Variants in CPAMD8 observed in about 807,000 individuals in gnomAD.
CPAMD8 encodes the protein C3 and PZP like alpha-2-macroglobulin domain containing 8, also known as C3 and PZP-like alpha-2-macroglobulin domain-containing protein 8.
A neutral mutation model predicts 224.7 loss-of-function variants in CPAMD8; 146 were observed. The observed-to-expected ratio is 0.65, with a 90% confidence interval of 0.57 to 0.75. The LOEUF is 0.75. Ranked by LOEUF, CPAMD8 falls within the 30% of genes least tolerant of loss-of-function variation. CPAMD8 has a pLI of 0.00. For synonymous variants in CPAMD8, 966 were observed against 1,044.6 expected (o/e 0.92, Z 1.45); for missense variants, 2,301 against 2,537.5 (o/e 0.91, Z 2.00).
intron 20 of CPAMD8, among the ~76,000 whole-genome samples, chr19:16,950,858 G>A (rs1255769559): frequency 2.0e-5 from 3 of 150,708 alleles, no homozygotes; most frequent in African/African-American, 7.3e-5. Flanking sequence ...TTCTCCCTCA[G>A]GGCCTCCAAA....
intron 7 of CPAMD8, among the ~76,000 whole-genome samples, chr19:17,007,312 T>G (rs1599897625): frequency 6.8e-6 from 1 of 147,678 alleles, no homozygotes; most frequent in Non-Finnish European, 1.5e-5. Context: ...CCAGTCTGGG[T>G]GACAATAGCA....
intron 22 of CPAMD8, among the ~76,000 whole-genome samples, chr19:16,942,180 GGT>G (rs1324168637): frequency 6.6e-6 from 1 of 152,102 alleles, no homozygotes; most frequent in Non-Finnish European, 1.5e-5. Context: ...ATCCAGTCAT[GGT>G]CGGGCACAGT....
At chr19:16,947,642 A>G (rs1270942619) in intron 20 of CPAMD8, among the ~76,000 whole-genome samples, 2 of 152,202 alleles carry the variant, frequency 1.3e-5, no homozygotes, top group Non-Finnish European at 2.9e-5. Flanking sequence ...GTGCAGCTCC[A>G]TGATGTCAGA....
intron 18 of CPAMD8, among the ~76,000 whole-genome samples, chr19:16,964,935 C>G (rs2054777938): frequency 6.6e-6 from 1 of 152,066 alleles, no homozygotes; most frequent in Admixed American, 6.6e-5. Flanking sequence ...GAACCATTGA[C>G]AAAAACCACA....
chr19:16,909,375 T>G (rs2144795345), intron 29 of CPAMD8, among the ~76,000 whole-genome samples: 1 of 152,072 alleles, frequency 6.6e-6, no homozygotes, highest in East Asian at 1.9e-4. Context: ...AAACCCCATC[T>G]CTACTAAAAA....
chr19:16,942,169 T>C (rs914119183), intron 22 of CPAMD8, among the ~76,000 whole-genome samples: 10 of 151,656 alleles, frequency 6.6e-5, no homozygotes, highest in African/African-American at 2.4e-4. Flanking sequence ...CTTTACTAAT[T>C]ATCCAGTCAT....
chr19:16,940,297 C>T (rs2053844200), intron 22 of CPAMD8, among the ~76,000 whole-genome samples: 1 of 152,154 alleles, frequency 6.6e-6, no homozygotes, highest in Admixed American at 6.5e-5. Flanking sequence ...ATAAACCTAT[C>T]CTACAGATGT....
chr19:17,007,742 G>A (rs1229486549), intron 7 of CPAMD8, among the ~76,000 whole-genome samples: 1 of 152,040 alleles, frequency 6.6e-6, no homozygotes, highest in East Asian at 1.9e-4. Context: ...AGCAAAGTGG[G>A]GTATGTCAAT....
chr19:16,970,955 C>T lies in CPAMD8; in HGVS notation c.2149G>A (p.Val717Ile). ...CCTGTGTGGGGCTGGAAAGCGGGGA[C>T]AGCCTCATCGGTGTAGAGGCCACCG... ...QDGGLYTDEA[V>I]PAFQPHTGSL... The change falls in exon 18 of 42, where the codon GTC becomes ATC. Residue 717 changes from valine (V) to isoleucine (I), a missense_variant. Around this residue, in one of 4 missense-constraint regions of CPAMD8, gnomAD observed 1,709 missense variants for 1,753.2 expected, o/e 0.97. Coordinates refer to ENST00000443236, the MANE Select transcript of CPAMD8 (RefSeq NM_015692.5). 1 of 1,613,926 alleles carries T rather than the reference C, an allele frequency of 6.2e-7. No homozygotes were observed. The highest frequency in any genetic ancestry group is 1.7e-5 in the Admixed American group (1 of 60,010).
At chr19:16,996,291 T>C (rs1357575011) in intron 11 of CPAMD8, among the ~76,000 whole-genome samples, 1 of 152,054 alleles carries the variant, frequency 6.6e-6, no homozygotes, top group East Asian at 1.9e-4. Flanking sequence ...TGAGCTATGA[T>C]CTCACCACTG....
At chr19:16,901,418 G>C in intron 35 of CPAMD8, 121 bp from the exon 36 acceptor site, 1 of 709,848 alleles carries the variant, frequency 1.4e-6, no homozygotes. Context: ...CTGGGGCCTG[G>C]CCGGCAGGCC....
intron 39 of CPAMD8, among the ~76,000 whole-genome samples, chr19:16,897,168 GC>G (rs1328039699): frequency 3.2e-3 from 92 of 28,624 alleles, no homozygotes; most frequent in African/African-American, 0.012. Flanking sequence ...CCTCGACCCC[GC>G]CCCCCGCACT....
intron 23 of CPAMD8, 83 bp downstream of exon 23, chr19:16,938,312 C>T (rs1198506511): frequency 4.4e-6 from 3 of 686,546 alleles, no homozygotes; most frequent in Non-Finnish European, 4.8e-6. Context: ...GGGACAGCCC[C>T]CACAGTGTGG....
chr19:16,938,266 C>A (rs2053764246), intron 23 of CPAMD8, 129 bp downstream of exon 23: 1 of 549,178 alleles, frequency 1.8e-6, no homozygotes. Context: ...CACAGTGCCC[C>A]CTTCCCAGGG....
chr19:16,933,797 A>G (rs1309280644), intron 23 of CPAMD8, among the ~76,000 whole-genome samples: 1 of 152,244 alleles, frequency 6.6e-6, no homozygotes, highest in East Asian at 1.9e-4. Flanking sequence ...TAAAAAGTTA[A>G]ACATACACGA....
intron 19 of CPAMD8, among the ~76,000 whole-genome samples, chr19:16,952,869 T>G (rs1359206576): frequency 6.6e-6 from 1 of 152,068 alleles, no homozygotes; most frequent in Non-Finnish European, 1.5e-5. Flanking sequence ...TTTGCAGAAA[T>G]AGAAAACTCC....
At chr19:16,929,733 A>G (rs1028008608) in intron 23 of CPAMD8, among the ~76,000 whole-genome samples, 2 of 152,194 alleles carry the variant, frequency 1.3e-5, no homozygotes, top group African/African-American at 2.4e-5. Context: ...AAAAGATAAG[A>G]TGCTCAGGGA....
chr19:17,000,447 G>A lies in CPAMD8; in HGVS notation c.834C>T (p.His278=), dbSNP rs752724493. The change falls in exon 10 of 42, where the codon CAC becomes CAT. Residue 278 remains histidine (H), a synonymous_variant. Coordinates refer to ENST00000443236, the MANE Select transcript of CPAMD8 (RefSeq NM_015692.5). ...TTCTGAGGACAGGGCGTCCCACCTC[G>A]TGGCTGTAGTACCCTACACCATTAA... The part of the protein sequence containing the change: ...MTVNGVGYYS[H]EVGRPVLRTT... 1.2e-5 allele frequency: 18 copies of A among 1,534,598 alleles called. No homozygotes were observed. The highest frequency in any genetic ancestry group is 1.4e-5 in the Non-Finnish European group (15 of 1,107,278).
chr19:16,975,328 T>A, intron 16 of CPAMD8, 70 bp from the exon 17 acceptor site: 2 of 1,278,602 alleles, frequency 1.6e-6, no homozygotes, highest in Non-Finnish European at 2.2e-6. Flanking sequence ...CTCCCGTGGG[T>A]GTGGCATGCT....
Sources: allele counts gnomAD v4.1 joint callset (sites outside exome capture counted in the v4.1 genomes callset), GRCh38; gene constraint gnomAD v4.1.1; regional missense constraint gnomAD v4.1.1; transcripts MANE v1.5; gene names NCBI Gene and HGNC (gene_info 2026-07-23, HGNC 2026-07-21).